RASA4: variants seen among roughly 807,000 people sequenced by gnomAD.
RASA4 encodes the protein ras GTPase-activating protein 4.
A neutral mutation model predicts 24.0 loss-of-function variants in RASA4; 5 were observed. That is an observed-to-expected ratio of 0.21 (90% CI 0.11 to 0.44). RASA4 has a LOEUF of 0.44. Ranked by LOEUF, RASA4 falls within the 20% of genes least tolerant of loss-of-function variation. The pLI is 0.99. For synonymous variants in RASA4, 9 were observed against 132.7 expected (o/e 0.07, Z 6.41); for missense variants, 38 against 293.0 (o/e 0.13, Z 6.35).
At position 102,594,884 on chromosome 7, in the gene RASA4, G is replaced by C. The variant is rs199587770; in HGVS notation, c.1072-325C>G. Reference sequence around the variant, plus strand: ...TTAATCACACACACATTCTCTTTGGGGGGGGGGGGTGCGGGGCACGGAGTC... The same window carrying C: ...TTAATCACACACACATTCTCTTTGGCGGGGGGGGGTGCGGGGCACGGAGTC... On this transcript the variant is annotated intron_variant, in intron 11 of 20. Coordinates refer to ENST00000262940, the MANE Select transcript of RASA4 (RefSeq NM_006989.6). Among the ~76,000 whole-genome samples the C allele has an allele frequency of 6.8e-4, 23 of 33,804 alleles. 3 individuals are homozygous for C. The highest frequency in any genetic ancestry group is 1.4e-3 in the South Asian group (1 of 722). 22.2% of individuals were successfully genotyped at this position (33,804 alleles called of 152,430 possible).
At chr7:102,587,097 AAACAACAAC>A (rs759682675) in intron 18 of RASA4, among the ~76,000 whole-genome samples, 1 of 12,130 alleles carries the variant, frequency 8.2e-5, no homozygotes, top group Non-Finnish European at 1.8e-4. Flanking sequence ...ACTCAGTATC[AAACAACAAC>A]AACAACAACA....
chr7:102,605,282 A>C, intron 5 of RASA4, among the ~76,000 whole-genome samples: 5 of 119,148 alleles, frequency 4.2e-5, no homozygotes, highest in Admixed American at 9.5e-5. Flanking sequence ...CCCCTACTCC[A>C]CTCCTCTGTG....
intron 4 of RASA4, among the ~76,000 whole-genome samples, chr7:102,608,276 T>TAAAA (rs1554347305): frequency 7.6e-4 from 48 of 63,550 alleles, no homozygotes; most frequent in African/African-American, 2.2e-3. Flanking sequence ...GCCTTTTTTT[T>TAAAA]AAAAAAAAAC....
rs2133435959 is a variant in RASA4, at chr7:102,587,349, A to G, written c.2104+286T>C. ...AGTGAAAGTCTGTGTCTGAAAAAAA[A>G]AAAAAAAGAAGAAGAAGAAATAAAA... On this transcript the variant is annotated intron_variant, in intron 18 of 20. Transcript: ENST00000262940. 4.5e-6 allele frequency: 2 copies of G among 444,956 alleles called. 1 individual carries two copies. The highest frequency in any genetic ancestry group is 8.8e-5 in the East Asian group (2 of 22,854). 27.6% of individuals were successfully genotyped at this position (444,956 alleles called of 1,614,324 possible).
At chr7:102,603,251 G>A (rs1181735068) in intron 5 of RASA4, among the ~76,000 whole-genome samples, 3 of 135,878 alleles carry the variant, frequency 2.2e-5, no homozygotes, top group East Asian at 2.2e-4. Flanking sequence ...GTGAGCCACC[G>A]CGCCTGGCCC....
intron 1 of RASA4, among the ~76,000 whole-genome samples, chr7:102,614,376 T>TGCAA (rs1790984244): frequency 9.5e-6 from 1 of 104,776 alleles, no homozygotes; most frequent in Admixed American, 1.0e-4. Flanking sequence ...AGCCTCAGTT[T>TGCAA]CCCAATGTGC....
At position 102,606,051 on chromosome 7, in the gene RASA4, C is replaced by T. The variant is rs1159059543; in HGVS notation, c.299-64G>A. 5.0e-5 allele frequency: 77 copies of T among 1,544,020 alleles called. 1 individual carries two copies. In the South Asian group the frequency reaches 8.5e-4, roughly 17 times the overall value. ...CCCATACCCTCCACCCTCAGCCCCACCAGGCACCTTGAGGCACCTCCATAA... is the reference window on the plus strand; with the variant it reads ...CCCATACCCTCCACCCTCAGCCCCATCAGGCACCTTGAGGCACCTCCATAA... On this transcript the variant is annotated intron_variant, in intron 4 of 20. Coordinates refer to ENST00000262940, the MANE Select transcript of RASA4 (RefSeq NM_006989.6).
chr7:102,611,887 A>AGGGGAGGGAGAGGGACAG (rs1790858722), intron 1 of RASA4, among the ~76,000 whole-genome samples: 1 of 106,258 alleles, frequency 9.4e-6, no homozygotes, highest in Non-Finnish European at 2.1e-5. Flanking sequence ...AAAGACAGGG[A>AGGGGAGGGAGAGGGACAG]GGGGAGGGAG....
At position 102,580,483 on chromosome 7, in the gene RASA4, G is replaced by A. The variant is rs1267583612; in HGVS notation, c.*2288C>T. 1.7e-4 allele frequency: 7 copies of A among 42,046 alleles called. No individual in the cohort carries two copies. Among genetic ancestry groups the A allele is most frequent in the Admixed American group, 3.6e-4 (1 of 2,756 alleles). The allele number at this position is 42,046 out of a possible 1,614,324, so 2.6% of individuals were successfully genotyped here. On this transcript the variant is annotated 3_prime_UTR_variant, in exon 21 of 21. Coordinates refer to ENST00000262940, the MANE Select transcript of RASA4 (RefSeq NM_006989.6). ...CTCCTGGCCTCAAGGTGATCCTTCT[G>A]TCTTGGCCTCCCGAGTAGCTGGGAC...
At chr7:102,603,785 G>A (rs1360842680) in intron 5 of RASA4, among the ~76,000 whole-genome samples, 1 of 148,432 alleles carries the variant, frequency 6.7e-6, no homozygotes, top group African/African-American at 2.5e-5. Context: ...AGGTTGCAGT[G>A]AGCCAAGAAA....
At chr7:102,602,910 C>G (rs1388111612) in intron 5 of RASA4, among the ~76,000 whole-genome samples, 1 of 148,618 alleles carries the variant, frequency 6.7e-6, no homozygotes, top group African/African-American at 2.5e-5. Flanking sequence ...CGGCCCTGCC[C>G]TTTCTCCATA....
At chr7:102,595,077 T>C (rs2133452529) in intron 11 of RASA4, among the ~76,000 whole-genome samples, 1 of 72,124 alleles carries the variant, frequency 1.4e-5, no homozygotes, top group African/African-American at 3.5e-5. Flanking sequence ...TTTCGCCATG[T>C]TGGCCAGGCT....
intron 16 of RASA4, among the ~76,000 whole-genome samples, chr7:102,590,592 T>G (rs1299658180): frequency 1.8e-5 from 2 of 108,108 alleles, no homozygotes; most frequent in African/African-American, 8.7e-5. Context: ...GGCCAAGGCT[T>G]TGTGACTTTG....
intron 4 of RASA4, among the ~76,000 whole-genome samples, chr7:102,606,600 T>G (rs1405418365): frequency 0.011 from 623 of 56,286 alleles, 1 homozygote; most frequent in African/African-American, 0.04. Flanking sequence ...GAGGAGGGTC[T>G]GAGGCCCAGA....
intron 16 of RASA4, among the ~76,000 whole-genome samples, chr7:102,590,731 G>T (rs1789940380): frequency 6.9e-6 from 1 of 145,580 alleles, no homozygotes; most frequent in Non-Finnish European, 1.5e-5. Context: ...ACCTGAGGTT[G>T]GGAGTTCGAG....
At chr7:102,603,838 C>CAA (rs148681177) in intron 5 of RASA4, among the ~76,000 whole-genome samples, 34 of 50,398 alleles carry the variant, frequency 6.7e-4, no homozygotes, top group African/African-American at 1.1e-3. Flanking sequence ...CAGACTGCCT[C>CAA]AAAAAAAAAA....
intron 16 of RASA4, among the ~76,000 whole-genome samples, chr7:102,591,015 A>G (rs1483384701): frequency 5.0e-5 from 7 of 140,226 alleles, no homozygotes; most frequent in African/African-American, 2.0e-4. Context: ...GGCAAGGAAG[A>G]TGTATAATAA....
chr7:102,596,229 C>T, intron 8 of RASA4, 100 bp from the exon 9 acceptor site: 1 of 1,289,218 alleles, frequency 7.8e-7, no homozygotes, highest in Non-Finnish European at 1.1e-6. Flanking sequence ...GCCGGCTTCC[C>T]ATCTCTCTGC....
chr7:102,591,971 C>T (rs1485381565), intron 16 of RASA4, among the ~76,000 whole-genome samples: 1 of 152,244 alleles, frequency 6.6e-6, no homozygotes, highest in Non-Finnish European at 1.5e-5. Context: ...GTAGCTGGGA[C>T]TACAGGCACC....
Sources: gnomAD v4.1 joint callset for allele counts (sites outside exome capture counted in the v4.1 genomes callset) on GRCh38, gnomAD v4.1.1 for gene constraint, MANE v1.5 for transcripts, NCBI Gene and HGNC (gene_info 2026-07-23, HGNC 2026-07-21) for gene names.